Variants in MYH14 observed in about 807,000 individuals in gnomAD.
MYH14 encodes myosin heavy chain 14, also known as myosin-14.
In MYH14, 123 loss-of-function variants were observed where a neutral mutation model predicts 255.5. The ratio of observed to expected loss-of-function variants is 0.48; its 90% confidence interval spans 0.42 to 0.56. The LOEUF is 0.56. Ranked by LOEUF, MYH14 falls within the 20% of genes least tolerant of loss-of-function variation. MYH14 has a pLI of 0.00. For missense variants in MYH14, 2,423 were observed against 2,802.3 expected (o/e 0.86, Z 3.06); for synonymous variants, 1,095 against 1,161.2 (o/e 0.94, Z 1.16).
chr19:50,297,184 C>A (rs1369028876), intron 39 of MYH14, among the ~76,000 whole-genome samples: 1 of 152,074 alleles, frequency 6.6e-6, no homozygotes, highest in Non-Finnish European at 1.5e-5. Context: ...GGGGGTTTCA[C>A]CATGTTGGCC....
intron 29 of MYH14, 110 bp from the exon 30 acceptor site, chr19:50,277,973 T>C (rs998223766): frequency 5.6e-5 from 41 of 737,592 alleles, no homozygotes; most frequent in Admixed American, 7.4e-5. Context: ...CTGGGAGAAG[T>C]GTGTTCCAGG....
chr19:50,254,234 G>GA (rs1448971222), intron 16 of MYH14, among the ~76,000 whole-genome samples: 19 of 148,028 alleles, frequency 1.3e-4, no homozygotes, highest in East Asian at 7.9e-4. Context: ...AAAAAAAAAG[G>GA]AAAAAAAAAG....
At position 50,301,814 on chromosome 19, in the gene MYH14, G is replaced by A. The variant is rs770475855; in HGVS notation, c.5623G>A (p.Ala1875Thr). 3.1e-6 allele frequency: 5 copies of A among 1,613,728 alleles called. No homozygotes were observed. The highest frequency in any genetic ancestry group is 1.7e-5 in the Admixed American group (1 of 59,972). ...GARARHKMTI[A>T]ALESKLAQAE... The stretch of plus-strand genomic sequence containing the variant: ...CCGTGCCCGCCACAAGATGACCATT[G>A]CTGCCCTTGAGTCTAAGTTGGCCCA... The change falls in exon 40 of 43, where the codon GCT becomes ACT. Residue 1875 changes from alanine (A) to threonine (T), a missense_variant. Physicochemically the swap from Ala to Thr is moderately conservative, Grantham distance 58. Around this residue, in one of 3 missense-constraint regions of MYH14, gnomAD observed 1,513 missense variants for 1,674.8 expected, o/e 0.90. Transcript: ENST00000642316.
rs750304944 is a variant in MYH14 at position 50,281,827 on chromosome 19, G to A, written c.4524G>A (p.Gln1508=). 1 of 1,611,466 alleles carries A rather than the reference G, an allele frequency of 6.2e-7. No individual in the cohort carries two copies. The highest frequency in any genetic ancestry group is 8.5e-7 in the Non-Finnish European group (1 of 1,178,812). Residue 1508 remains glutamine, a synonymous_variant, in exon 33 of 43, where the codon CAG becomes CAA. Coordinates refer to ENST00000642316, the MANE Select transcript of MYH14 (RefSeq NM_001145809.2). ...RQLVSTLEKK[Q]RKFDQLLAEE... ...TTGTGAGCACCCTGGAGAAGAAGCA[G>A]CGCAAGTTTGACCAGGTGGGGCACC...
chr19:50,212,242 A>G (rs1449274829), intron 2 of MYH14, among the ~76,000 whole-genome samples: 1 of 152,204 alleles, frequency 6.6e-6, no homozygotes, highest in East Asian at 1.9e-4. Context: ...GGGCTGTGAC[A>G]TGAACATTGG....
At chr19:50,249,203 C>A in intron 13 of MYH14, 64 bp downstream of exon 13, 1 of 1,480,246 alleles carries the variant, frequency 6.8e-7, no homozygotes, top group Non-Finnish European at 9.0e-7. Flanking sequence ...CTTTCTGAAG[C>A]CCTGGGTCTC....
At chr19:50,227,614 C>T (rs553299135) in intron 8 of MYH14, among the ~76,000 whole-genome samples, 2 of 152,316 alleles carry the variant, frequency 1.3e-5, no homozygotes, top group East Asian at 1.9e-4. Flanking sequence ...GGTGCCCAGA[C>T]GCTAGCCAGG....
rs969072112 is a variant in MYH14, at chr19:50,293,428, G to A, written c.5345+107G>A. On this transcript the variant is annotated intron_variant, in intron 38 of 42. Transcript: ENST00000642316. The surrounding 1 kb of genome is among the most constrained non-coding windows in gnomAD (Gnocchi z 4.1). The stretch of plus-strand genomic sequence containing the variant: ...TGGGACAGGAAACTGGGAGGTGGGC[G>A]GGGTTAACCTCGGGGCCCCTGGGGT... 9 of 1,515,904 alleles carry A rather than the reference G, an allele frequency of 5.9e-6. No individual in the cohort carries two copies. Among genetic ancestry groups the A allele is most frequent in the East Asian group, 4.9e-5 (2 of 41,236 alleles). The allele number at this position is 1,515,904 out of a possible 1,614,324, so 93.9% of individuals were successfully genotyped here. A position where few individuals can be genotyped will look rare whatever the true frequency, so the allele number is the denominator to read the frequency against.
At chr19:50,263,227 TA>T (rs1049214105) in intron 21 of MYH14, 84 bp from the exon 22 acceptor site, 15 of 868,794 alleles carry the variant, frequency 1.7e-5, no homozygotes, top group Non-Finnish European at 2.5e-5. Flanking sequence ...ACAAAGAAAA[TA>T]AATAAGAAAG....
chr19:50,204,352 C>A (rs372201291), intron 1 of MYH14, among the ~76,000 whole-genome samples: 30 of 152,054 alleles, frequency 2.0e-4, no homozygotes, highest in African/African-American at 6.3e-4. Context: ...AGCGGTGGTC[C>A]CTGTGGCATA....
Position 50,210,659 on chromosome 19 carries a change from C to T in MYH14, c.294C>T (p.Arg98=). Residue 98 remains arginine, a synonymous_variant, in exon 2 of 43, where the codon CGC becomes CGT. Coordinates refer to ENST00000642316, the MANE Select transcript of MYH14 (RefSeq NM_001145809.2). Reference sequence around the variant, plus strand: ...GACTGCCGCGGGACCAGATCCAGCGCATGAACCCGCCCAAGTTCAGCAAGG... The same window carrying T: ...GACTGCCGCGGGACCAGATCCAGCGTATGAACCCGCCCAAGTTCAGCAAGG... ...RLRLPRDQIQ[R]MNPPKFSKAE... The T allele has an allele frequency of 6.4e-7, 1 of 1,571,142 alleles. No individual in the cohort carries two copies. Among genetic ancestry groups the T allele is most frequent in the Non-Finnish European group, 8.6e-7 (1 of 1,159,762 alleles).
chr19:50,260,580 C>G (rs917580751), intron 19 of MYH14, 66 bp from the exon 20 acceptor site: 23 of 1,155,168 alleles, frequency 2.0e-5, no homozygotes, highest in Non-Finnish European at 3.0e-5. Context: ...GTGCCTGGCC[C>G]GCAGCAGGCA....
chr19:50,289,451 C>T lies in MYH14; in HGVS notation c.4768C>T (p.Arg1590Ter), dbSNP rs1236257658. The change falls in exon 35 of 43, where the codon CGA (arginine) becomes TGA (stop). Residue 1590 changes from arginine (R) to a stop codon, truncating the protein, a stop_gained. Transcript: ENST00000642316. LOFTEE classifies it high-confidence loss of function. ...DVGKSVHELERACRVAEQAAN... is the reference protein window; with the variant it reads ...DVGKSVHELE ...TCCCCACCAGGTGCATGAGCTGGAA[C>T]GAGCCTGCCGGGTAGCAGAACAGGC... 3.1e-6 allele frequency: 5 copies of T among 1,609,416 alleles called. No homozygotes were observed. The highest frequency in any genetic ancestry group is 3.4e-6 in the Non-Finnish European group (4 of 1,178,236).
intron 2 of MYH14, among the ~76,000 whole-genome samples, chr19:50,213,144 G>T (rs2032286871): frequency 6.6e-6 from 1 of 152,006 alleles, no homozygotes; most frequent in South Asian, 2.1e-4. Context: ...GTAGAGTTGG[G>T]GTTTCACCAT....
chr19:50,305,296 T>C (rs1255465629), intron 40 of MYH14, among the ~76,000 whole-genome samples: 1 of 151,538 alleles, frequency 6.6e-6, no homozygotes, highest in Non-Finnish European at 1.5e-5. Flanking sequence ...CAAGAGAGGA[T>C]GAAGAAGAGA....
At chr19:50,296,531 C>T (rs1403150640) in intron 39 of MYH14, among the ~76,000 whole-genome samples, 7 of 152,176 alleles carry the variant, frequency 4.6e-5, no homozygotes, top group Middle Eastern at 3.4e-3. Flanking sequence ...TGCCTGGATC[C>T]GGGAAGCAGA....
chr19:50,230,106 T>A lies in MYH14; in HGVS notation c.875-419T>A, dbSNP rs148270210. 3.9e-3 allele frequency among the ~76,000 whole-genome samples: 594 copies of A among 152,274 alleles called. 4 individuals are homozygous for A. The highest frequency in any genetic ancestry group is 0.024 in the Middle Eastern group (7 of 294). ...TTTTGTATTTTTAGTAGAGATGGGATTTTGCCATGTTGGCCAGGCTGGTCT... is the reference window on the plus strand; with the variant it reads ...TTTTGTATTTTTAGTAGAGATGGGAATTTGCCATGTTGGCCAGGCTGGTCT... On this transcript the variant is annotated intron_variant, in intron 8 of 42. Transcript: ENST00000642316. The surrounding 1 kb of genome is among the most constrained non-coding windows in gnomAD (Gnocchi z 4.7).
chr19:50,300,120 G>A (rs1330977535), intron 39 of MYH14, among the ~76,000 whole-genome samples: 1 of 152,166 alleles, frequency 6.6e-6, no homozygotes, highest in African/African-American at 2.4e-5. Context: ...TGGGGAGAAG[G>A]AAGAGGTTTT....
In MYH14 at chr19:50,210,692, C is replaced by T. The variant is rs780322540; in HGVS notation, c.327C>T (p.Asp109=). ...MNPPKFSKAE[D]MAELTCLNEA... is the part of the protein sequence containing the mutation. ...CGCCCAAGTTCAGCAAGGCCGAGGA[C>T]ATGGCCGAGCTGACCTGCCTCAACG... The change falls in exon 2 of 43, where the codon GAC becomes GAT. Residue 109 remains aspartate (D), a synonymous_variant. Transcript: ENST00000642316. 6.9e-5 allele frequency: 109 copies of T among 1,569,860 alleles called. No homozygotes were observed. Among genetic ancestry groups the T allele is most frequent in the Non-Finnish European group, 8.5e-5 (98 of 1,159,466 alleles).
Sources: gnomAD v4.1 joint callset for allele counts (sites outside exome capture counted in the v4.1 genomes callset) on GRCh38, gnomAD v4.1.1 for gene constraint, gnomAD v4.1.1 regional missense constraint, Gnocchi (gnomAD v3.1) non-coding constraint, MANE v1.5 for transcripts, NCBI Gene and HGNC (gene_info 2026-07-23, HGNC 2026-07-21) for gene names.